The following GPBP1 variants were observed in gnomAD, a reference collection of about 807,000 sequenced individuals.
GPBP1 encodes vasculin.
Under a neutral mutation model 56.5 loss-of-function variants are expected in GPBP1, and 13 were observed. The observed-to-expected ratio is 0.23, with a 90% CI of 0.15 to 0.37. GPBP1 has a LOEUF of 0.37. Ranked by LOEUF, GPBP1 falls within the 10% of genes least tolerant of loss-of-function variation. The pLI is 1.00. For missense variants in GPBP1, 477 were observed against 572.3 expected (o/e 0.83, Z 1.70); for synonymous variants, 204 against 188.9 (o/e 1.08, Z -0.66).
rs183154277 is a variant in GPBP1 at position 57,213,835 on chromosome 5, A to G, written c.-57-239A>G. On this transcript the variant is annotated intron_variant, in intron 2 of 11. Transcript: ENST00000506184. ...ATAATTTGAGGTTTGACAAATGTGT[A>G]CAGTTGTAATAACCACCGCAATCAA... 3.3e-5 allele frequency among the ~76,000 whole-genome samples: 5 copies of G among 152,356 alleles called. No homozygotes were observed. The East Asian group carries it at 7.7e-4, about 23-fold the overall frequency.
intron 9 of GPBP1, 144 bp from the exon 10 acceptor site, chr5:57,250,810 G>A (rs142464503): frequency 0.018 from 10,088 of 575,354 alleles, 156 homozygotes; most frequent in Middle Eastern, 0.036. Context: ...CTTCCAAAGT[G>A]CTGGGATTAC....
At chr5:57,208,479 C>G (rs1379422460) in intron 2 of GPBP1, among the ~76,000 whole-genome samples, 1 of 151,932 alleles carries the variant, frequency 6.6e-6, no homozygotes, top group Admixed American at 6.6e-5. Flanking sequence ...GTGATCTGCT[C>G]ACCTTGTCCT....
intron 5 of GPBP1, among the ~76,000 whole-genome samples, chr5:57,231,832 C>T (rs1474449674): frequency 4.6e-5 from 7 of 152,100 alleles, no homozygotes; most frequent in Admixed American, 3.3e-4. Flanking sequence ...TTACTCTTAC[C>T]AAGTTTCTGT....
intron 3 of GPBP1, 77 bp downstream of exon 3, chr5:57,214,270 G>C (rs1163994845): frequency 1.7e-6 from 2 of 1,211,988 alleles, no homozygotes; most frequent in African/African-American, 3.0e-5. Context: ...AGTCATGGAG[G>C]AGTAATAATA....
In GPBP1 at chr5:57,262,874, T is replaced by TG; in HGVS notation, c.*127dup. The TG allele has an allele frequency of 1.2e-6, 1 of 811,474 alleles. No individual in the cohort carries two copies. The highest frequency in any genetic ancestry group is 1.9e-6 in the Non-Finnish European group (1 of 516,242). 50.3% of individuals were successfully genotyped at this position (811,474 alleles called of 1,614,324 possible). A position where few individuals can be genotyped will look rare whatever the true frequency, so the allele number is the denominator to read the frequency against. ...AATACCCCATTAGAAGAGGATTTTT[T>TG]GGGGGACTTCAATATGAAGAAAACC... is the stretch of plus-strand genomic sequence containing the variant. On this transcript the variant is annotated 3_prime_UTR_variant, in exon 12 of 12. Coordinates refer to ENST00000506184, the MANE Select transcript of GPBP1 (RefSeq NM_022913.4).
chr5:57,245,649 A>C (rs1032442281), intron 6 of GPBP1: 4 of 152,240 alleles, frequency 2.6e-5, no homozygotes, highest in Admixed American at 2.6e-4. Context: ...TGGCAACTGC[A>C]GTAGTCTTGA....
At chr5:57,226,615 A>G (rs1331695008) in intron 3 of GPBP1, among the ~76,000 whole-genome samples, 2 of 129,628 alleles carry the variant, frequency 1.5e-5, no homozygotes, top group Non-Finnish European at 1.5e-5. Flanking sequence ...GCTGGAGTGC[A>G]GTGGCGCGAT....
At chr5:57,189,414 C>G (rs1475607013) in intron 2 of GPBP1, among the ~76,000 whole-genome samples, 2 of 152,178 alleles carry the variant, frequency 1.3e-5, no homozygotes, top group African/African-American at 4.8e-5. Flanking sequence ...CCACCATGCC[C>G]AGCCCAGCTA....
Position 57,249,503 on chromosome 5 carries a change from A to G in GPBP1, c.899A>G (p.Glu300Gly). 6.2e-7 allele frequency: 1 copy of G among 1,613,542 alleles called. No individual in the cohort carries two copies. The highest frequency in any genetic ancestry group is 2.2e-5 in the East Asian group (1 of 44,854). Residue 300 changes from glutamate (E) to glycine (G), a missense_variant, in exon 9 of 12, where the codon GAA (glutamate) becomes GGA (glycine). Physicochemically the swap from Glu to Gly is moderately conservative, Grantham distance 98 (BLOSUM62 -2). Transcript: ENST00000506184. ...LTRMRTDKKS[E>G]FLKALKRDRV... ...CGAATGCGCACTGATAAGAAGAGTG[A>G]ATTTTTGAAAGCATTGAAAAGAGAC...
At chr5:57,256,956 C>T (rs1741692104) in intron 10 of GPBP1, among the ~76,000 whole-genome samples, 1 of 151,758 alleles carries the variant, frequency 6.6e-6, no homozygotes, top group Admixed American at 6.6e-5. Context: ...TTTCTGTAAA[C>T]TTTGTGACTT....
At chr5:57,179,544 C>T (rs1753948511) in intron 2 of GPBP1, among the ~76,000 whole-genome samples, 1 of 152,186 alleles carries the variant, frequency 6.6e-6, no homozygotes, top group South Asian at 2.1e-4. Context: ...AGCCTGTTTC[C>T]ACAGGCATGG....
chr5:57,212,675 T>C (rs1456137269), intron 2 of GPBP1, among the ~76,000 whole-genome samples: 2 of 150,696 alleles, frequency 1.3e-5, no homozygotes, highest in East Asian at 1.9e-4. Flanking sequence ...TTTTTTTCTT[T>C]TTTTTTTTTT....
At chr5:57,219,300 C>T (rs1386016162) in intron 3 of GPBP1, among the ~76,000 whole-genome samples, 14 of 143,258 alleles carry the variant, frequency 9.8e-5, no homozygotes, top group Admixed American at 9.3e-4. Context: ...TGCTTGAACC[C>T]GGGAGGCAGA....
chr5:57,215,767 T>C (rs1755674104), intron 3 of GPBP1, among the ~76,000 whole-genome samples: 1 of 152,036 alleles, frequency 6.6e-6, no homozygotes, highest in South Asian at 2.1e-4. Flanking sequence ...CTTGGCAAAA[T>C]CTTTGAGTCA....
chr5:57,246,158 T>C (rs1741078275), intron 6 of GPBP1, 142 bp from the exon 7 acceptor site: 2 of 554,118 alleles, frequency 3.6e-6, no homozygotes, highest in African/African-American at 1.9e-5. Context: ...GTTTGTACTT[T>C]TTTAGTTTAG....
chr5:57,246,946 A>G, intron 7 of GPBP1, 129 bp from the exon 8 acceptor site: 1 of 644,208 alleles, frequency 1.6e-6, no homozygotes, highest in South Asian at 2.5e-5. Context: ...GGAATAATGC[A>G]GTGTGATACA....
chr5:57,233,084 G>A (rs545474178), intron 5 of GPBP1, among the ~76,000 whole-genome samples: 12 of 152,272 alleles, frequency 7.9e-5, no homozygotes, highest in Admixed American at 7.8e-4. Flanking sequence ...TGCATTGTTA[G>A]TTTTTACAGT....
At chr5:57,212,691 C>T (rs1196548632) in intron 2 of GPBP1, among the ~76,000 whole-genome samples, 8 of 140,000 alleles carry the variant, frequency 5.7e-5, no homozygotes, top group East Asian at 4.1e-4. Flanking sequence ...TTTTTTGAGA[C>T]GGAGTTTTGC....
In GPBP1 at chr5:57,213,165, C is replaced by T. The variant is rs1422185371; in HGVS notation, c.-57-909C>T. Among the ~76,000 whole-genome samples the T allele has an allele frequency of 1.1e-4, 16 of 151,870 alleles. No individual in the cohort carries two copies. In the East Asian group the frequency reaches 2.1e-3, roughly 20 times the overall value. Reference sequence around the variant, plus strand: ...GTCTCCCAGGTTCAAGTGATTTTCCCGCCTCAGCCTCTCAAGTAGCTGGGA... The same window carrying T: ...GTCTCCCAGGTTCAAGTGATTTTCCTGCCTCAGCCTCTCAAGTAGCTGGGA... On this transcript the variant is annotated intron_variant, in intron 2 of 11. Transcript: ENST00000506184.
Sources: allele counts gnomAD v4.1 joint callset (sites outside exome capture counted in the v4.1 genomes callset), GRCh38; gene constraint gnomAD v4.1.1; transcripts MANE v1.5; gene names NCBI Gene and HGNC (gene_info 2026-07-23, HGNC 2026-07-21).